Variants in PIP5K1C observed in about 807,000 individuals in gnomAD.
PIP5K1C encodes the protein phosphatidylinositol 4-phosphate 5-kinase type-1 gamma.
Under a neutral mutation model 80.1 loss-of-function variants are expected in PIP5K1C, and 45 were observed. The observed-to-expected ratio is 0.56, with a 90% CI of 0.44 to 0.72. The LOEUF (loss-of-function observed/expected upper bound fraction) is 0.72, where lower values mean the gene tolerates loss of function less well. PIP5K1C is among the 30% of genes least tolerant of loss of function. PIP5K1C has a pLI of 0.00. For synonymous variants in PIP5K1C, 498 were observed against 420.1 expected (o/e 1.19, Z -2.27); for missense variants, 753 against 954.6 (o/e 0.79, Z 2.78).
chr19:3,633,461 C>T lies in PIP5K1C; in HGVS notation c.1980G>A (p.Pro660=), dbSNP rs768198614. The T allele has an allele frequency of 4.0e-5, 60 of 1,501,916 alleles. No homozygotes were observed. The highest frequency in any genetic ancestry group is 1.8e-4 in the Middle Eastern group (1 of 5,532). The allele number at this position is 1,501,916 out of a possible 1,614,324, so 93.0% of individuals were successfully genotyped here. Residue 660 remains proline (P), a synonymous_variant, in exon 17 of 18, where the codon CCG becomes CCA. Transcript: ENST00000335312. ...CTGTGTCGCTCTCGCCGTCGGAGGCCGGGGGGGCCTGGGCGCTATAGTGGA... is the reference window on the plus strand; with the variant it reads ...CTGTGTCGCTCTCGCCGTCGGAGGCTGGGGGGGCCTGGGCGCTATAGTGGA... ...SPLHYSAQAP[P]ASDGESDT
At chr19:3,641,839 T>C (rs1255179379) in intron 14 of PIP5K1C, 30 bp from the exon 15 acceptor site, 18 of 1,570,284 alleles carry the variant, frequency 1.1e-5, no homozygotes, top group Non-Finnish European at 1.6e-5. Context: ...GTGCCTCGGT[T>C]TCCCTCCTCA....
chr19:3,657,634 C>T (rs1345347325), intron 5 of PIP5K1C, among the ~76,000 whole-genome samples: 1 of 151,846 alleles, frequency 6.6e-6, no homozygotes, highest in African/African-American at 2.4e-5. Context: ...CGAGCAGAAG[C>T]GAGGGGAGGC....
chr19:3,647,246 TCA>T (rs2034267985), intron 10 of PIP5K1C, 90 bp downstream of exon 10: 11 of 1,075,412 alleles, frequency 1.0e-5, no homozygotes, highest in East Asian at 5.9e-5. Flanking sequence ...GTGCAGGCAC[TCA>T]CAGAGGGAGG....
chr19:3,652,880 T>C (rs2145445589), intron 7 of PIP5K1C, among the ~76,000 whole-genome samples: 1 of 152,192 alleles, frequency 6.6e-6, no homozygotes, highest in Middle Eastern at 3.4e-3. Flanking sequence ...GTGGGGGGAC[T>C]CTACCACTGT....
chr19:3,672,122 C>T (rs951693702), intron 1 of PIP5K1C, among the ~76,000 whole-genome samples: 1 of 152,328 alleles, frequency 6.6e-6, no homozygotes, highest in East Asian at 1.9e-4. Flanking sequence ...GTGACCTCAT[C>T]GGCCACCCCA....
At chr19:3,699,679 A>T (rs763637876) in intron 1 of PIP5K1C, among the ~76,000 whole-genome samples, 18 of 152,176 alleles carry the variant, frequency 1.2e-4, no homozygotes, top group Non-Finnish European at 2.2e-4. Flanking sequence ...GAGGTCCAGG[A>T]AGCAGCTAAA....
intron 1 of PIP5K1C, among the ~76,000 whole-genome samples, chr19:3,694,928 CG>C (rs1176983040): frequency 6.6e-6 from 1 of 152,256 alleles, no homozygotes; most frequent in Non-Finnish European, 1.5e-5. Flanking sequence ...CAAGTGTTTT[CG>C]GCTTCGTGGG....
intron 1 of PIP5K1C, among the ~76,000 whole-genome samples, chr19:3,672,188 G>A (rs994007360): frequency 1.3e-5 from 2 of 152,238 alleles, no homozygotes; most frequent in Admixed American, 6.5e-5. Flanking sequence ...TATAAAGTGC[G>A]GCTGAAGCCA....
chr19:3,635,820 A>C (rs1199008365), intron 16 of PIP5K1C, among the ~76,000 whole-genome samples: 1 of 152,150 alleles, frequency 6.6e-6, no homozygotes, highest in Non-Finnish European at 1.5e-5. Context: ...TCTACTAAAA[A>C]TACAAAAAAA....
At position 3,637,024 on chromosome 19, in the gene PIP5K1C, C is replaced by G. The variant is rs2033715639; in HGVS notation, c.1920+1860G>C. 1.9e-6 allele frequency: 2 copies of G among 1,061,974 alleles called. No homozygotes were observed. Among genetic ancestry groups the G allele is most frequent in the Middle Eastern group, 4.5e-4 (1 of 2,246 alleles). 65.8% of individuals were successfully genotyped at this position (1,061,974 alleles called of 1,614,324 possible). A position where few individuals can be genotyped will look rare whatever the true frequency, so the allele number is the denominator to read the frequency against. Reference sequence around the variant, plus strand: ...CCCAGGGGAGCCGAGGCCTCAGCGCCTCCATCTGTGAGGTGGGTGTGGAGA... The same window carrying G: ...CCCAGGGGAGCCGAGGCCTCAGCGCGTCCATCTGTGAGGTGGGTGTGGAGA... On this transcript the variant is annotated intron_variant, in intron 16 of 17. Coordinates refer to ENST00000335312, the MANE Select transcript of PIP5K1C (RefSeq NM_012398.3). The surrounding 1 kb of genome is among the most constrained non-coding windows in gnomAD (Gnocchi z 7.0).
chr19:3,636,180 C>T (rs565998850), intron 16 of PIP5K1C, among the ~76,000 whole-genome samples: 1 of 152,182 alleles, frequency 6.6e-6, no homozygotes, highest in East Asian at 1.9e-4. Context: ...AAAGAAAGGG[C>T]AGGACAGGTG....
At chr19:3,639,232 T>C (rs1413357895) in intron 15 of PIP5K1C, among the ~76,000 whole-genome samples, 5 of 152,144 alleles carry the variant, frequency 3.3e-5, no homozygotes, top group Admixed American at 2.6e-4. Flanking sequence ...AGGAGTGACC[T>C]GGAGTGACCC....
At chr19:3,686,740 TA>T (rs1568357676) in intron 1 of PIP5K1C, among the ~76,000 whole-genome samples, 13 of 149,310 alleles carry the variant, frequency 8.7e-5, no homozygotes, top group African/African-American at 2.5e-4. Flanking sequence ...ATAAATAAAA[TA>T]AAATAAAATA....
chr19:3,651,852 G>A lies in PIP5K1C; in HGVS notation c.1101C>T (p.Arg367=), dbSNP rs763609554. 32 of 1,612,184 alleles carry A rather than the reference G, an allele frequency of 2.0e-5. No individual in the cohort carries two copies. The highest frequency in any genetic ancestry group is 2.1e-5 in the Non-Finnish European group (25 of 1,179,868). ...TGTCATCCGATTCGATGGCCTCCCCGCGCGCGGCGCCACCCTGGATGGACT... is the reference window on the plus strand; with the variant it reads ...TGTCATCCGATTCGATGGCCTCCCCACGCGCGGCGCCACCCTGGATGGACT... ...AMESIQGGAA[R]GEAIESDDTM... Residue 367 remains arginine (R), a synonymous_variant, in exon 8 of 18, where the codon CGC becomes CGT. Transcript: ENST00000335312.
intron 1 of PIP5K1C, chr19:3,669,694 C>T (rs2035137946): frequency 6.6e-6 from 1 of 152,130 alleles, no homozygotes; most frequent in Non-Finnish European, 1.5e-5. Context: ...TCGGCGATGC[C>T]CCACCCTATC....
At chr19:3,659,125 G>A (rs942390432) in intron 5 of PIP5K1C, among the ~76,000 whole-genome samples, 12 of 152,256 alleles carry the variant, frequency 7.9e-5, no homozygotes, top group South Asian at 2.1e-4. Flanking sequence ...GAGAAGCACC[G>A]GCAACCTCGA....
chr19:3,644,044 C>T, intron 12 of PIP5K1C, 43 bp downstream of exon 12: 5 of 1,605,120 alleles, frequency 3.1e-6, no homozygotes, highest in Admixed American at 1.7e-5. Flanking sequence ...CTGCTGGCAC[C>T]CCCTGTAGCG....
chr19:3,664,577 G>A (rs1054201479), intron 3 of PIP5K1C, among the ~76,000 whole-genome samples: 4 of 152,168 alleles, frequency 2.6e-5, no homozygotes, highest in Admixed American at 6.5e-5. Context: ...ACTCAGAGCC[G>A]GGCAGGCGTT....
intron 5 of PIP5K1C, among the ~76,000 whole-genome samples, chr19:3,658,120 G>A (rs1273573243): frequency 6.6e-6 from 1 of 152,202 alleles, no homozygotes; most frequent in African/African-American, 2.4e-5. Context: ...GTCCCTCCTT[G>A]GGCTCAAGTC....
Sources: allele counts gnomAD v4.1 joint callset (sites outside exome capture counted in the v4.1 genomes callset), GRCh38; gene constraint gnomAD v4.1.1; non-coding constraint Gnocchi (gnomAD v3.1); transcripts MANE v1.5; gene names NCBI Gene and HGNC (gene_info 2026-07-23, HGNC 2026-07-21).